The following CHST11 variants were observed in gnomAD, a reference collection of about 807,000 sequenced individuals.
CHST11 encodes carbohydrate sulfotransferase 11.
In CHST11, 9 loss-of-function variants were observed where a neutral mutation model predicts 30.4. That is an observed-to-expected ratio of 0.30 (90% CI 0.18 to 0.52). The LOEUF is 0.52. Among genes scored for constraint, CHST11 ranks in the 20% least tolerant of loss-of-function variants. CHST11 has a pLI of 0.97. For missense variants in CHST11, 348 were observed against 460.6 expected, an observed-to-expected ratio of 0.76 and a Z score of 2.24; for synonymous variants, 152 against 187.8, an observed-to-expected ratio of 0.81 and a Z score of 1.56.
At chr12:104,685,227 A>T (rs1334370690) in intron 2 of CHST11, among the ~76,000 whole-genome samples, 1 of 152,214 alleles carries the variant, frequency 6.6e-6, no homozygotes, top group Non-Finnish European at 1.5e-5. Flanking sequence ...AAATCTTAAT[A>T]TATAGCCTCC....
intron 2 of CHST11, among the ~76,000 whole-genome samples, chr12:104,668,730 A>T (rs2039664157): frequency 6.6e-6 from 1 of 152,176 alleles, no homozygotes; most frequent in African/African-American, 2.4e-5. Context: ...TGTATGGGTC[A>T]TGGCGGAAGA....
intron 2 of CHST11, among the ~76,000 whole-genome samples, chr12:104,657,991 C>T (rs11112146): frequency 0.23 from 35,488 of 152,056 alleles, 4,579 homozygotes; most frequent in Admixed American, 0.29. Context: ...TGTTCAGGGA[C>T]GCAGCCCACC....
chr12:104,704,330 G>A (rs1423691040), intron 2 of CHST11, among the ~76,000 whole-genome samples: 2 of 152,194 alleles, frequency 1.3e-5, no homozygotes, highest in African/African-American at 4.8e-5. Context: ...AAGGAACTGG[G>A]CTCCAGACCT....
chr12:104,728,337 C>T (rs974050165), intron 2 of CHST11, among the ~76,000 whole-genome samples: 5 of 152,000 alleles, frequency 3.3e-5, no homozygotes, highest in African/African-American at 9.7e-5. Context: ...AGAAAGGAAA[C>T]AGAAATTTGG....
chr12:104,602,261 A>C (rs2038963296), intron 2 of CHST11: 5 of 491,600 alleles, frequency 1.0e-5, no homozygotes, highest in East Asian at 3.3e-5. Flanking sequence ...TAACAGTCTC[A>C]AGTTCGAGCA....
chr12:104,589,609 T>C (rs766020756), intron 1 of CHST11, among the ~76,000 whole-genome samples: 32 of 152,198 alleles, frequency 2.1e-4, no homozygotes, highest in Non-Finnish European at 4.0e-4. Context: ...ATGTTATGTG[T>C]ATTTTATCAC....
At chr12:104,505,993 G>A (rs2037900861) in intron 1 of CHST11, among the ~76,000 whole-genome samples, 2 of 152,160 alleles carry the variant, frequency 1.3e-5, no homozygotes, top group Admixed American at 1.3e-4. Context: ...GCTGGAATAG[G>A]ACTTAAAATC....
At chr12:104,651,144 T>TC (rs2039486234) in intron 2 of CHST11, among the ~76,000 whole-genome samples, 1 of 152,216 alleles carries the variant, frequency 6.6e-6, no homozygotes, top group Non-Finnish European at 1.5e-5. Context: ...TCCAAAGCCA[T>TC]CCAGCACATC....
Position 104,600,911 on chromosome 12 carries a change from C to T in CHST11, c.119-995C>T, listed in dbSNP as rs976055579. On this transcript the variant is annotated intron_variant, in intron 1 of 2. Transcript: ENST00000303694. This position sits in a 1 kb window ranked among gnomAD's most constrained non-coding sequence, Gnocchi z 4.1. ...CCCTTCTTCCCTCCTTCCTCCTTCT[C>T]GGCTTCCTTTTTTCCTTTCCTCCTT... Among the ~76,000 whole-genome samples, 2 of 150,222 alleles carry T rather than the reference C, an allele frequency of 1.3e-5. No individual in the cohort carries two copies. Among genetic ancestry groups the T allele is most frequent in the African/African-American group, 2.5e-5 (1 of 40,812 alleles).
At chr12:104,557,411 T>A (rs1472996449) in intron 1 of CHST11, among the ~76,000 whole-genome samples, 1 of 151,938 alleles carries the variant, frequency 6.6e-6, no homozygotes, top group Non-Finnish European at 1.5e-5. Context: ...GGCAGAGCCA[T>A]TGAAGGAGCT....
chr12:104,579,646 G>A (rs769909371), intron 1 of CHST11, among the ~76,000 whole-genome samples: 1 of 152,152 alleles, frequency 6.6e-6, no homozygotes, highest in Non-Finnish European at 1.5e-5. Flanking sequence ...ATTTGTCAAT[G>A]TGTGGATGCG....
rs114708487 is a variant in CHST11 at position 104,746,385 on chromosome 12, T to G, written c.205-10564T>G. 1.7e-3 allele frequency among the ~76,000 whole-genome samples: 265 copies of G among 152,338 alleles called. 1 individual carries two copies. Among genetic ancestry groups the G allele is most frequent in the African/African-American group, 5.5e-3 (230 of 41,580 alleles). On this transcript the variant is annotated intron_variant, in intron 2 of 2. Transcript: ENST00000303694. ...GCTCAGCAAATCCTGGGCTTTCCTT[T>G]CTGCTCATTTTTTTCTGCCTATAAA...
At chr12:104,557,250 C>G (rs970866254) in intron 1 of CHST11, among the ~76,000 whole-genome samples, 7 of 152,164 alleles carry the variant, frequency 4.6e-5, no homozygotes, top group Non-Finnish European at 8.8e-5. Flanking sequence ...GAAGTGAACT[C>G]ACTTCTGCCT....
chr12:104,713,887 C>T (rs7297643), intron 2 of CHST11, among the ~76,000 whole-genome samples: 17 of 152,064 alleles, frequency 1.1e-4, no homozygotes, highest in Non-Finnish European at 2.2e-4. Context: ...GAGATACGTT[C>T]GTTGCATTTT....
At chr12:104,664,534 A>G (rs532540560) in intron 2 of CHST11, among the ~76,000 whole-genome samples, 118 of 152,246 alleles carry the variant, frequency 7.8e-4, no homozygotes, top group Admixed American at 1.5e-3. Context: ...GATGCCAGCA[A>G]CAGTCACTGT....
chr12:104,492,574 G>T (rs2037757365), intron 1 of CHST11, among the ~76,000 whole-genome samples: 2 of 152,140 alleles, frequency 1.3e-5, no homozygotes, highest in African/African-American at 4.8e-5. Flanking sequence ...CTAAATAAAT[G>T]AATAAATCCC....
At chr12:104,708,819 C>A (rs1340132886) in intron 2 of CHST11, among the ~76,000 whole-genome samples, 1 of 152,224 alleles carries the variant, frequency 6.6e-6, no homozygotes, top group Non-Finnish European at 1.5e-5. Context: ...GGCTCCAGCA[C>A]GATGACCCTG....
At chr12:104,750,428 C>CCTTTTTT (rs1420945578) in intron 2 of CHST11, among the ~76,000 whole-genome samples, 22 of 48,838 alleles carry the variant, frequency 4.5e-4, no homozygotes, top group African/African-American at 1.7e-3. Context: ...TATTTCTGCA[C>CCTTTTTT]TTTTTTTTTT....
At chr12:104,461,403 T>A (rs2037406554) in intron 1 of CHST11, among the ~76,000 whole-genome samples, 1 of 152,226 alleles carries the variant, frequency 6.6e-6, no homozygotes, top group Non-Finnish European at 1.5e-5. Context: ...CACCAATGAA[T>A]GCTTCCTATG....
Sources: allele counts gnomAD v4.1 joint callset (sites outside exome capture counted in the v4.1 genomes callset), GRCh38; gene constraint gnomAD v4.1.1; non-coding constraint Gnocchi (gnomAD v3.1); transcripts MANE v1.5; gene names NCBI Gene and HGNC (gene_info 2026-07-23, HGNC 2026-07-21).